The following SLC38A9 variants were observed in gnomAD, a reference collection of about 807,000 sequenced individuals.
SLC38A9 encodes neutral amino acid transporter 9.
Under a neutral mutation model 62.3 loss-of-function variants are expected in SLC38A9, and 48 were observed. The observed-to-expected ratio is 0.77, with a 90% confidence interval of 0.61 to 0.98. The LOEUF (loss-of-function observed/expected upper bound fraction) is 0.98. SLC38A9 is among the 50% of genes least tolerant of loss of function. The pLI is 0.00. For synonymous variants in SLC38A9, 204 were observed against 227.7 expected, an observed-to-expected ratio of 0.90 and a Z score of 0.94; for missense variants, 541 against 679.8, an observed-to-expected ratio of 0.80 and a Z score of 2.27.
intron 2 of SLC38A9, among the ~76,000 whole-genome samples, chr5:55,701,581 C>T (rs967721001): frequency 2.6e-5 from 4 of 152,158 alleles, no homozygotes; most frequent in African/African-American, 9.7e-5. Flanking sequence ...CTATCCTTAT[C>T]CCCCTACACT....
chr5:55,647,689 T>C (rs992988927), intron 11 of SLC38A9, among the ~76,000 whole-genome samples: 2 of 152,214 alleles, frequency 1.3e-5, no homozygotes, highest in Non-Finnish European at 2.9e-5. Context: ...AAGACCACTG[T>C]TAGGTTTCTA....
At chr5:55,636,825 C>G (rs2150069595) in intron 12 of SLC38A9, among the ~76,000 whole-genome samples, 1 of 152,266 alleles carries the variant, frequency 6.6e-6, no homozygotes, top group East Asian at 1.9e-4. Flanking sequence ...GCCCATGGAG[C>G]TAAAGGCTTA....
At chr5:55,633,023 T>G (rs1743767815) in intron 14 of SLC38A9, among the ~76,000 whole-genome samples, 1 of 152,082 alleles carries the variant, frequency 6.6e-6, no homozygotes, top group Non-Finnish European at 1.5e-5. Context: ...TTTTTTTTCT[T>G]TTGGAGTCAG....
chr5:55,699,125 C>T (rs1756309755), intron 2 of SLC38A9, among the ~76,000 whole-genome samples: 1 of 151,962 alleles, frequency 6.6e-6, no homozygotes, highest in African/African-American at 2.4e-5. Flanking sequence ...CATGGTGGCA[C>T]GCTCCTGTAA....
At chr5:55,699,150 A>C (rs4101421) in intron 2 of SLC38A9, among the ~76,000 whole-genome samples, 90,594 of 151,348 alleles carry the variant, frequency 0.6, 27,634 homozygotes, top group South Asian at 0.7. Context: ...AGTTACTTGA[A>C]AGGCTGAGGT....
chr5:55,651,496 C>T (rs374489552), intron 10 of SLC38A9, among the ~76,000 whole-genome samples: 27 of 152,176 alleles, frequency 1.8e-4, no homozygotes, highest in African/African-American at 4.3e-4. Flanking sequence ...GATCCACCTG[C>T]GTCAGCCTCC....
chr5:55,675,863 C>T (rs760130456), intron 3 of SLC38A9, among the ~76,000 whole-genome samples: 4 of 152,126 alleles, frequency 2.6e-5, no homozygotes, highest in Non-Finnish European at 5.9e-5. Flanking sequence ...TTGGCTTATA[C>T]ATCTGTCTCC....
chr5:55,679,920 T>C (rs1383276622), intron 3 of SLC38A9, among the ~76,000 whole-genome samples: 1 of 152,238 alleles, frequency 6.6e-6, no homozygotes, highest in Non-Finnish European at 1.5e-5. Context: ...TCAATCTACT[T>C]AAGTGCAATA....
intron 3 of SLC38A9, among the ~76,000 whole-genome samples, chr5:55,688,886 A>C (rs1469863809): frequency 6.6e-6 from 1 of 152,226 alleles, no homozygotes; most frequent in African/African-American, 2.4e-5. Flanking sequence ...TCAAAGACAT[A>C]ATAAAGAAGG....
intron 3 of SLC38A9, among the ~76,000 whole-genome samples, chr5:55,681,943 C>T (rs1244463387): frequency 6.6e-6 from 1 of 152,058 alleles, no homozygotes; most frequent in Non-Finnish European, 1.5e-5. Context: ...AAGTTGAGTC[C>T]GTATGCCCAC....
At chr5:55,646,614 TAA>T (rs1436717262) in intron 11 of SLC38A9, among the ~76,000 whole-genome samples, 23 of 152,320 alleles carry the variant, frequency 1.5e-4, no homozygotes, top group African/African-American at 3.4e-4. Flanking sequence ...ATATTAGAAA[TAA>T]GTGTCCACCT....
chr5:55,662,805 A>C (rs1437294217), intron 8 of SLC38A9, among the ~76,000 whole-genome samples: 1 of 152,126 alleles, frequency 6.6e-6, no homozygotes, highest in African/African-American at 2.4e-5. Flanking sequence ...GAGATTGAGA[A>C]GGAGTGCATG....
Position 55,656,737 on chromosome 5 carries a change from C to G in SLC38A9, c.735G>C (p.Leu245=). 6.3e-7 allele frequency: 1 copy of G among 1,598,006 alleles called. No homozygotes were observed. The highest frequency in any genetic ancestry group is 8.6e-7 in the Non-Finnish European group (1 of 1,167,322). ...TACCAGGGTTGCTATTATTGGTACTCAGTATAGTGTCTGTGTCATTAATGT... is the reference window on the plus strand; with the variant it reads ...TACCAGGGTTGCTATTATTGGTACTGAGTATAGTGTCTGTGTCATTAATGT... ...IHHINDTDTI[L]STNNSNPVIC... The change falls in exon 9 of 16, where the codon CTG becomes CTC. Residue 245 remains leucine (L), a synonymous_variant. Transcript: ENST00000396865.
intron 14 of SLC38A9, among the ~76,000 whole-genome samples, chr5:55,631,310 C>T (rs1053465917): frequency 1.3e-5 from 2 of 151,304 alleles, no homozygotes; most frequent in African/African-American, 2.4e-5. Context: ...TTATAACTGT[C>T]GGATAAATGA....
chr5:55,687,068 T>G (rs57155467), intron 3 of SLC38A9, among the ~76,000 whole-genome samples: 1 of 22,426 alleles, frequency 4.5e-5, no homozygotes, highest in Non-Finnish European at 1.3e-4. Flanking sequence ...CAGCTTTGTT[T>G]TTTTTTTTTT....
In SLC38A9 at chr5:55,706,038, C is replaced by A. The variant is rs181768756; in HGVS notation, c.-35+5414G>T. Among the ~76,000 whole-genome samples the A allele has an allele frequency of 1.5e-3, 233 of 152,210 alleles. No individual in the cohort carries two copies. The Middle Eastern group carries it at 0.017, about 11-fold the overall frequency. On this transcript the variant is annotated intron_variant, in intron 2 of 15. Transcript: ENST00000396865. ...TAAACTCTTTAAGACATAATCAGGGCTAGAATGAGTGAAATTTCATGCCTG... is the reference window on the plus strand; with the variant it reads ...TAAACTCTTTAAGACATAATCAGGGATAGAATGAGTGAAATTTCATGCCTG...
intron 3 of SLC38A9, among the ~76,000 whole-genome samples, chr5:55,682,194 C>T (rs1325756654): frequency 6.6e-6 from 1 of 152,036 alleles, no homozygotes; most frequent in Admixed American, 6.6e-5. Context: ...CCAGATGTCC[C>T]TAGGTGTCAT....
chr5:55,691,314 A>T, intron 3 of SLC38A9: 1 of 1,481,936 alleles, frequency 6.7e-7, no homozygotes. Flanking sequence ...AGGACAGATA[A>T]GTACTGGTGA....
chr5:55,694,274 C>T (rs1755141502), intron 3 of SLC38A9: 2 of 185,796 alleles, frequency 1.1e-5, no homozygotes, highest in Non-Finnish European at 2.4e-5. Flanking sequence ...GATGGCATGA[C>T]AGGTAACTGC....
Sources: gnomAD v4.1 joint callset for allele counts (sites outside exome capture counted in the v4.1 genomes callset) on GRCh38, gnomAD v4.1.1 for gene constraint, MANE v1.5 for transcripts, NCBI Gene and HGNC (gene_info 2026-07-23, HGNC 2026-07-21) for gene names.